Variants in SAXO4 observed in about 807,000 individuals in gnomAD.
SAXO4 encodes the protein protein phosphatase 1 regulatory subunit 32.
the SAXO4 span, chr11:61,490,777 C>A: frequency 1.7e-6 from 1 of 603,216 alleles, no homozygotes; most frequent in East Asian, 2.8e-5. Flanking sequence ...ACCCCAGAGC[C>A]CCTTGCTCAG....
the SAXO4 span, chr11:61,484,774 G>A: frequency 6.2e-7 from 1 of 1,611,204 alleles, no homozygotes; most frequent in African/African-American, 1.3e-5. Context: ...TGCTCCACCA[G>A]CAGCAGGGCC....
chr11:61,484,710 C>T, the SAXO4 span: 9 of 1,613,660 alleles, frequency 5.6e-6, no homozygotes, highest in South Asian at 2.2e-5. Context: ...CATTTCGACA[C>T]CCAGGAGCAC....
the SAXO4 span, among the ~76,000 whole-genome samples, chr11:61,490,184 C>T: frequency 2.0e-5 from 3 of 152,220 alleles, no homozygotes; most frequent in South Asian, 4.2e-4. Flanking sequence ...TCCCCAGGCC[C>T]GGTGGACTGG....
the SAXO4 span, among the ~76,000 whole-genome samples, chr11:61,490,335 A>C: frequency 6.6e-6 from 1 of 152,202 alleles, no homozygotes; most frequent in Non-Finnish European, 1.5e-5. Flanking sequence ...AATTACATTT[A>C]TATCAACAAT....
the SAXO4 span, chr11:61,487,178 G>T: frequency 1.2e-6 from 2 of 1,613,970 alleles, no homozygotes; most frequent in Non-Finnish European, 1.7e-6. Flanking sequence ...ACAACCCCAT[G>T]TATGTCCGGA....
At chr11:61,485,190 C>A in the SAXO4 span, 1 of 664,644 alleles carries the variant, frequency 1.5e-6, no homozygotes, top group Non-Finnish European at 2.6e-6. Context: ...CGATGTCCCA[C>A]CCCACAGAGA....
the SAXO4 span, chr11:61,482,805 G>A: frequency 6.2e-7 from 1 of 1,607,850 alleles, no homozygotes; most frequent in South Asian, 1.1e-5. Flanking sequence ...CCCCCACCAA[G>A]GAGGTCAGTG....
At chr11:61,490,834 A>G in the SAXO4 span, 1 of 551,856 alleles carries the variant, frequency 1.8e-6, no homozygotes. Context: ...CCTAGGGGAC[A>G]GGAGCCAGGC....
chr11:61,486,756 G>C, the SAXO4 span: 1 of 922,288 alleles, frequency 1.1e-6, no homozygotes. Flanking sequence ...AGGGTGAAGA[G>C]AGCCTGGGCC....
chr11:61,485,519 G>A, the SAXO4 span: 4 of 936,620 alleles, frequency 4.3e-6, no homozygotes, highest in Non-Finnish European at 6.4e-6. Context: ...AAGAAAGAAG[G>A]ATGCACAGGT....
the SAXO4 span, among the ~76,000 whole-genome samples, chr11:61,484,033 G>A: frequency 5.9e-5 from 9 of 151,930 alleles, no homozygotes; most frequent in Non-Finnish European, 1.3e-4. Context: ...GCCAACTGCT[G>A]TTGGGTCAGC....
chr11:61,489,190 C>A, the SAXO4 span: 1 of 148,092 alleles, frequency 6.8e-6, no homozygotes, highest in Non-Finnish European at 1.5e-5. Flanking sequence ...GCAAACACCT[C>A]CTCCTGTGGC....
chr11:61,487,589 T>A, the SAXO4 span, among the ~76,000 whole-genome samples: 1 of 152,066 alleles, frequency 6.6e-6, no homozygotes, highest in Non-Finnish European at 1.5e-5. Flanking sequence ...CATCCATCGG[T>A]CATTGGTTAA....
the SAXO4 span, chr11:61,489,125 G>C: frequency 6.5e-6 from 1 of 154,530 alleles, no homozygotes; most frequent in African/African-American, 2.4e-5. Context: ...CACAGTGGCC[G>C]CTCCAGTTCC....
the SAXO4 span, chr11:61,486,662 T>C: frequency 6.6e-7 from 1 of 1,519,504 alleles, no homozygotes; most frequent in Non-Finnish European, 9.1e-7. Flanking sequence ...GGGAGGTTTC[T>C]GGGAAGAGGT....
chr11:61,485,881 A>G, the SAXO4 span: 2 of 1,613,774 alleles, frequency 1.2e-6, no homozygotes, highest in Non-Finnish European at 1.7e-6. Flanking sequence ...TTGTCTTCCA[A>G]CCGCCCTCAC....
the SAXO4 span, chr11:61,486,481 G>T: frequency 6.2e-7 from 1 of 1,611,104 alleles, no homozygotes; most frequent in South Asian, 1.1e-5. Context: ...TGGTGGGGGA[G>T]GCAGCCACAT....
chr11:61,481,877 A>G, the SAXO4 span: 2 of 1,571,548 alleles, frequency 1.3e-6, no homozygotes, highest in East Asian at 4.7e-5. Flanking sequence ...GGCTACACGG[A>G]CCCCCTGAAA....
the SAXO4 span, chr11:61,484,730 G>A: frequency 1.9e-6 from 3 of 1,613,676 alleles, no homozygotes; most frequent in South Asian, 1.1e-5. Flanking sequence ...CGGGCCTCAG[G>A]CCATCACGGG....
Sources: allele counts gnomAD v4.1 joint callset (sites outside exome capture counted in the v4.1 genomes callset), GRCh38; gene constraint gnomAD v4.1.1; transcripts MANE v1.5; gene names NCBI Gene and HGNC (gene_info 2026-07-23, HGNC 2026-07-21).